Variants in WWOX observed in about 807,000 individuals in gnomAD.
The protein encoded by WWOX is WW domain containing oxidoreductase.
In WWOX, 69 loss-of-function variants were observed where a neutral mutation model predicts 46.2. The observed-to-expected ratio is 1.49, with a 90% CI of 1.23 to 1.82. The LOEUF is 1.82. WWOX is among the 40% of genes most tolerant of loss of function. WWOX has a pLI of 0.00. For missense variants in WWOX, 919 were observed against 542.6 expected (o/e 1.69, Z -6.89); for synonymous variants, 359 against 202.6 (o/e 1.77, Z -6.56).
intron 5 of WWOX, among the ~76,000 whole-genome samples, chr16:78,228,032 TAG>T (rs1404080333): frequency 4.6e-5 from 7 of 152,112 alleles, no homozygotes; most frequent in South Asian, 2.1e-4. Context: ...CTCTGGCAAA[TAG>T]AGTTATGGTC....
chr16:78,333,261 G>C (rs988563399), intron 5 of WWOX, among the ~76,000 whole-genome samples: 1 of 151,774 alleles, frequency 6.6e-6, no homozygotes, highest in Admixed American at 6.6e-5. Context: ...TGTTGGCCAG[G>C]CTTGTCTCAA....
chr16:78,161,140 T>G (rs182492180), intron 4 of WWOX, among the ~76,000 whole-genome samples: 1 of 152,176 alleles, frequency 6.6e-6, no homozygotes, highest in East Asian at 1.9e-4. Flanking sequence ...TTCTATTCTT[T>G]TACTTTTTTT....
At chr16:79,016,386 C>G (rs1283099752) in intron 8 of WWOX, 1 of 152,158 alleles carries the variant, frequency 6.6e-6, no homozygotes, top group African/African-American at 2.4e-5. Flanking sequence ...CCCCACTTGC[C>G]CACGAGCAGC....
At chr16:78,832,619 C>T (rs1294334852) in intron 8 of WWOX, among the ~76,000 whole-genome samples, 3 of 152,116 alleles carry the variant, frequency 2.0e-5, no homozygotes, top group African/African-American at 2.4e-5. Context: ...AAATGCGTCC[C>T]TCTCTCCTTC....
chr16:78,929,997 C>A (rs192234499), intron 8 of WWOX, among the ~76,000 whole-genome samples: 1 of 152,260 alleles, frequency 6.6e-6, no homozygotes, highest in Admixed American at 6.5e-5. Flanking sequence ...GACCATGTGA[C>A]CCAGTTCTAG....
At chr16:78,731,384 G>A (rs138331122) in intron 8 of WWOX, among the ~76,000 whole-genome samples, 622 of 152,224 alleles carry the variant, frequency 4.1e-3, no homozygotes, top group African/African-American at 0.014. Context: ...CTTCAAAGAT[G>A]CACACTAATA....
At chr16:78,413,222 G>A (rs1214368771) in intron 6 of WWOX, among the ~76,000 whole-genome samples, 2 of 152,184 alleles carry the variant, frequency 1.3e-5, no homozygotes, top group Non-Finnish European at 2.9e-5. Flanking sequence ...GAGTCTTTAA[G>A]GAGAAATGTG....
chr16:78,504,247 C>T (rs2085138746), intron 8 of WWOX, among the ~76,000 whole-genome samples: 1 of 152,266 alleles, frequency 6.6e-6, no homozygotes, highest in African/African-American at 2.4e-5. Context: ...GGAAATGGCT[C>T]TTTGGCAAGT....
intron 8 of WWOX, among the ~76,000 whole-genome samples, chr16:78,812,012 A>T (rs1187421395): frequency 3.3e-5 from 5 of 152,102 alleles, no homozygotes; most frequent in Admixed American, 3.3e-4. Context: ...AACACCATCA[A>T]AGCTGTGGTT....
intron 8 of WWOX, among the ~76,000 whole-genome samples, chr16:78,511,308 G>A (rs1015177788): frequency 1.3e-5 from 2 of 152,186 alleles, no homozygotes; most frequent in Non-Finnish European, 2.9e-5. Flanking sequence ...AGTTCACAGG[G>A]ATGCCTTCGG....
At chr16:78,381,104 G>C (rs1245600479) in intron 5 of WWOX, among the ~76,000 whole-genome samples, 1 of 152,116 alleles carries the variant, frequency 6.6e-6, no homozygotes, top group African/African-American at 2.4e-5. Flanking sequence ...GGGCAGCCTG[G>C]CTCTGGTGTC....
At chr16:78,300,906 G>A (rs989706789) in intron 5 of WWOX, among the ~76,000 whole-genome samples, 1 of 151,660 alleles carries the variant, frequency 6.6e-6, no homozygotes, top group Non-Finnish European at 1.5e-5. Context: ...GCCATGTTTT[G>A]TCAGTTCATC....
At chr16:78,684,756 A>G (rs897423079) in intron 8 of WWOX, among the ~76,000 whole-genome samples, 2 of 152,144 alleles carry the variant, frequency 1.3e-5, no homozygotes, top group Admixed American at 6.5e-5. Context: ...ATACTGAACT[A>G]TGGAAGCACC....
At chr16:78,924,968 G>A (rs1342657159) in intron 8 of WWOX, among the ~76,000 whole-genome samples, 2 of 152,134 alleles carry the variant, frequency 1.3e-5, no homozygotes, top group Admixed American at 6.5e-5. Flanking sequence ...GCCAAGGCGG[G>A]AGGATCAGTT....
intron 6 of WWOX, among the ~76,000 whole-genome samples, chr16:78,415,066 T>G (rs1285942593): frequency 6.7e-6 from 1 of 148,346 alleles, no homozygotes; most frequent in Non-Finnish European, 1.5e-5. Context: ...TTAGCTATAA[T>G]ATATTTTAAT....
At chr16:78,802,429 A>G (rs571923538) in intron 8 of WWOX, among the ~76,000 whole-genome samples, 1 of 152,218 alleles carries the variant, frequency 6.6e-6, no homozygotes, top group African/African-American at 2.4e-5. Context: ...GTATTTAAAT[A>G]AACAGTTGTT....
chr16:78,208,002 A>G (rs889495744), intron 5 of WWOX, among the ~76,000 whole-genome samples: 22 of 152,150 alleles, frequency 1.4e-4, no homozygotes, highest in African/African-American at 5.3e-4. Context: ...TAGTAGAGAC[A>G]GGGTTTCGCC....
At chr16:78,427,919 T>C (rs2083124502) in intron 7 of WWOX, among the ~76,000 whole-genome samples, 1 of 152,130 alleles carries the variant, frequency 6.6e-6, no homozygotes, top group African/African-American at 2.4e-5. Context: ...AATACAAAAA[T>C]TAGCCAGGTG....
chr16:78,373,526 G>A (rs1210285390), intron 5 of WWOX, among the ~76,000 whole-genome samples: 1 of 152,166 alleles, frequency 6.6e-6, no homozygotes, highest in African/African-American at 2.4e-5. Flanking sequence ...AGGAAATGTG[G>A]CTTTCTGTCT....
Sources: allele counts gnomAD v4.1 joint callset (sites outside exome capture counted in the v4.1 genomes callset), GRCh38; gene constraint gnomAD v4.1.1; transcripts MANE v1.5; gene names NCBI Gene and HGNC (gene_info 2026-07-23, HGNC 2026-07-21).